DIAPH3: variants seen among roughly 807,000 people sequenced by gnomAD.
The protein encoded by DIAPH3 is diaphanous related formin 3.
In DIAPH3, 117 loss-of-function variants were observed where a neutral mutation model predicts 144.3. The observed-to-expected ratio is 0.81, with a 90% CI of 0.70 to 0.95. The LOEUF (loss-of-function observed/expected upper bound fraction) is 0.95. Among genes scored for constraint, DIAPH3 ranks in the 40% least tolerant of loss-of-function variants. The probability of loss-of-function intolerance (pLI) is 0.00; values close to 1 mark genes in which losing one functional copy is unlikely to be tolerated. For synonymous variants in DIAPH3, 519 were observed against 488.9 expected (o/e 1.06, Z -0.81); for missense variants, 1,421 against 1,412.7 (o/e 1.01, Z -0.09).
chr13:59,826,697 G>C (rs1331023154), intron 24 of DIAPH3, among the ~76,000 whole-genome samples: 1 of 151,662 alleles, frequency 6.6e-6, no homozygotes, highest in Admixed American at 6.6e-5. Flanking sequence ...AGTTCATATG[G>C]AACCAAAAAA....
chr13:59,839,197 A>C lies in DIAPH3; in HGVS notation c.2862+127T>G, dbSNP rs1234390362. 4 of 1,138,558 alleles carry C rather than the reference A, an allele frequency of 3.5e-6. No individual in the cohort carries two copies. In the African/African-American group the frequency reaches 6.2e-5, roughly 18 times the overall value. The allele number at this position is 1,138,558 out of a possible 1,614,324, so 70.5% of individuals were successfully genotyped here. A position where few individuals can be genotyped will look rare whatever the true frequency, so the allele number is the denominator to read the frequency against. On this transcript the variant is annotated intron_variant, in intron 23 of 27. Transcript: ENST00000400324. ...TGATAAATTTCCCTGCAAGAAGGCA[A>C]AGGTTAAACTTTCTGTAATTTGGCA...
At chr13:59,835,955 T>C (rs970542186) in intron 23 of DIAPH3, among the ~76,000 whole-genome samples, 1 of 151,816 alleles carries the variant, frequency 6.6e-6, no homozygotes, top group African/African-American at 2.4e-5. Context: ...TCTAAAGCAT[T>C]GCTATATAGA....
chr13:59,732,449 C>CT (rs541240375), intron 27 of DIAPH3, among the ~76,000 whole-genome samples: 36 of 144,092 alleles, frequency 2.5e-4, no homozygotes, highest in South Asian at 2.2e-4. Context: ...ATTTTTGGTA[C>CT]TTTTTTTTTT....
At chr13:60,120,015 A>C (rs1218216645) in intron 2 of DIAPH3, among the ~76,000 whole-genome samples, 1 of 152,180 alleles carries the variant, frequency 6.6e-6, no homozygotes, top group African/African-American at 2.4e-5. Context: ...TATACAATAA[A>C]GGATCATAAT....
At chr13:59,699,940 G>C (rs1385767514) in intron 27 of DIAPH3, among the ~76,000 whole-genome samples, 1 of 152,094 alleles carries the variant, frequency 6.6e-6, no homozygotes, top group Non-Finnish European at 1.5e-5. Flanking sequence ...CTGTCTCCAT[G>C]GCTTAAACAC....
chr13:60,112,092 G>A lies in DIAPH3; in HGVS notation c.308C>T (p.Ser103Leu), dbSNP rs2138067602. The A allele has an allele frequency of 6.2e-7, 1 of 1,614,086 alleles. No individual in the cohort carries two copies. Among genetic ancestry groups the A allele is most frequent in the African/African-American group, 1.3e-5 (1 of 75,040 alleles). ...CTCCATCATCTCTAAAGGTGCTGCT[G>A]AGCAATCACTGCTTGCAAATGCAGT... ...LKTAFASSDCSAAPLEMMENF... is the reference protein window; with the variant it reads ...LKTAFASSDCLAAPLEMMENF... The change falls in exon 3 of 28, where the codon TCA becomes TTA. Residue 103 changes from serine to leucine, a missense_variant. Physicochemically the swap from Ser to Leu is moderately radical, Grantham distance 145. Coordinates refer to ENST00000400324, the MANE Select transcript of DIAPH3 (RefSeq NM_001042517.2).
At chr13:59,741,777 C>G (rs1473750734) in intron 27 of DIAPH3, among the ~76,000 whole-genome samples, 1 of 135,712 alleles carries the variant, frequency 7.4e-6, no homozygotes, top group African/African-American at 2.9e-5. Flanking sequence ...ATATTCCACT[C>G]TATAATTCTA....
At chr13:59,885,079 C>G (rs1188421214) in intron 20 of DIAPH3, among the ~76,000 whole-genome samples, 1 of 152,010 alleles carries the variant, frequency 6.6e-6, no homozygotes, top group Non-Finnish European at 1.5e-5. Flanking sequence ...GTTTATAAAT[C>G]CTTATCAATT....
At chr13:59,690,386 T>G (rs1462740835) in intron 27 of DIAPH3, among the ~76,000 whole-genome samples, 2 of 152,178 alleles carry the variant, frequency 1.3e-5, no homozygotes, top group African/African-American at 4.8e-5. Flanking sequence ...GAGCTTGGCC[T>G]ATGTTCAGCC....
chr13:59,780,731 C>A (rs967633300), intron 25 of DIAPH3, among the ~76,000 whole-genome samples: 2 of 152,082 alleles, frequency 1.3e-5, no homozygotes, highest in African/African-American at 4.8e-5. Flanking sequence ...GAGATCTCTG[C>A]GGCCCATTGC....
chr13:59,986,832 T>C (rs879266435), intron 12 of DIAPH3, among the ~76,000 whole-genome samples: 120 of 149,860 alleles, frequency 8.0e-4, no homozygotes, highest in African/African-American at 2.4e-3. Flanking sequence ...ACAACAGGTG[T>C]TGGAGAGGAT....
In DIAPH3 at chr13:60,009,368, T is replaced by C. The variant is rs1231514033; in HGVS notation, c.909-719A>G. 3.4e-5 allele frequency among the ~76,000 whole-genome samples: 5 copies of C among 148,682 alleles called. No homozygotes were observed. In the East Asian group the frequency reaches 9.9e-4, roughly 30 times the overall value. ...TCAAGAAACAAGGAAAAGGGAAGGA[T>C]AACAGAATAGGGAAGGGAAAAGAAA... On this transcript the variant is annotated intron_variant, in intron 8 of 27. Transcript: ENST00000400324.
chr13:60,023,634 A>C (rs985225157), intron 5 of DIAPH3, among the ~76,000 whole-genome samples: 1 of 151,290 alleles, frequency 6.6e-6, no homozygotes, highest in Non-Finnish European at 1.5e-5. Flanking sequence ...GGGTTTCACC[A>C]TTTTGGCCAG....
chr13:60,058,149 GAATT>G (rs981685775), intron 4 of DIAPH3, among the ~76,000 whole-genome samples: 2 of 150,270 alleles, frequency 1.3e-5, no homozygotes, highest in African/African-American at 4.9e-5. Flanking sequence ...ATCTGACAAA[GAATT>G]AATATCCAGA....
chr13:59,758,953 AT>A (rs915956860), intron 27 of DIAPH3, among the ~76,000 whole-genome samples: 507 of 130,122 alleles, frequency 3.9e-3, no homozygotes, highest in African/African-American at 5.3e-3. Context: ...CTAATTTTGA[AT>A]TTTTTTTTTT....
chr13:59,806,788 A>G (rs991163516), intron 25 of DIAPH3, among the ~76,000 whole-genome samples: 1 of 151,858 alleles, frequency 6.6e-6, no homozygotes, highest in African/African-American at 2.4e-5. Context: ...TTACCAATAA[A>G]ATAATAATAG....
intron 17 of DIAPH3, among the ~76,000 whole-genome samples, chr13:59,954,869 G>A (rs1303363828): frequency 6.6e-6 from 1 of 151,962 alleles, no homozygotes; most frequent in Non-Finnish European, 1.5e-5. Context: ...GCACTAAGGG[G>A]ATGGTGCTGA....
intron 4 of DIAPH3, among the ~76,000 whole-genome samples, chr13:60,067,972 CATCTT>C (rs1316034268): frequency 3.3e-5 from 5 of 152,232 alleles, no homozygotes; most frequent in African/African-American, 1.2e-4. Context: ...TTAATAGAAT[CATCTT>C]ATATGATTTT....
At chr13:59,879,787 A>G (rs1228449276) in intron 20 of DIAPH3, among the ~76,000 whole-genome samples, 1 of 152,180 alleles carries the variant, frequency 6.6e-6, no homozygotes, top group Non-Finnish European at 1.5e-5. Context: ...TAGGCCACAA[A>G]TTACAAGGCA....
Sources: allele counts gnomAD v4.1 joint callset (sites outside exome capture counted in the v4.1 genomes callset), GRCh38; gene constraint gnomAD v4.1.1; transcripts MANE v1.5; gene names NCBI Gene and HGNC (gene_info 2026-07-23, HGNC 2026-07-21).